The following P3H2 variants were observed in gnomAD, a reference collection of about 807,000 sequenced individuals.
The protein encoded by P3H2 is prolyl 3-hydroxylase 2, also known as leprecan-like 1.
Under a neutral mutation model 87.0 loss-of-function variants are expected in P3H2, and 80 were observed. The observed-to-expected ratio is 0.92, with a 90% CI of 0.77 to 1.11. The LOEUF (loss-of-function observed/expected upper bound fraction) is 1.11. Ranked by LOEUF, P3H2 falls within the 50% of genes least tolerant of loss-of-function variation. The pLI is 0.00. For synonymous variants in P3H2, 367 were observed against 359.3 expected (o/e 1.02, Z -0.24); for missense variants, 1,001 against 923.9 (o/e 1.08, Z -1.08).
At chr3:189,981,278 ATTGGCAT>A (rs1723525909) in intron 8 of P3H2, among the ~76,000 whole-genome samples, 2 of 152,190 alleles carry the variant, frequency 1.3e-5, no homozygotes, top group African/African-American at 4.8e-5. Context: ...TATACTTGCA[ATTGGCAT>A]CTGAAATGCC....
intron 1 of P3H2, among the ~76,000 whole-genome samples, chr3:189,997,194 G>T (rs1248730789): frequency 6.6e-6 from 1 of 152,106 alleles, no homozygotes; most frequent in Non-Finnish European, 1.5e-5. Flanking sequence ...GCTAATTTTT[G>T]TATTTTTAGT....
intron 1 of P3H2, among the ~76,000 whole-genome samples, chr3:190,100,904 T>A (rs1711602195): frequency 6.6e-6 from 1 of 152,156 alleles, no homozygotes; most frequent in South Asian, 2.1e-4. Context: ...CTTCTTTCAG[T>A]GCCACTTTTC....
At chr3:189,966,142 AG>A (rs1177825502) in intron 13 of P3H2, among the ~76,000 whole-genome samples, 1 of 127,552 alleles carries the variant, frequency 7.8e-6, no homozygotes, top group Non-Finnish European at 1.8e-5. Flanking sequence ...AAAGAAAGAA[AG>A]AAAGAAAGAA....
In P3H2 at chr3:189,982,856, A is replaced by G. The variant is rs563001929; in HGVS notation, c.1324+190T>C. On this transcript the variant is annotated intron_variant, in intron 8 of 14. Coordinates refer to ENST00000319332, the MANE Select transcript of P3H2 (RefSeq NM_018192.4). ...CTTTTTTTCTTTTTTTTTGAAACCC[A>G]TGGTAATAATACACAAATCTAAGAC... Among the ~76,000 whole-genome samples the G allele has an allele frequency of 1.3e-4, 19 of 151,984 alleles. No individual in the cohort carries two copies. The South Asian group carries it at 3.9e-3, about 32-fold the overall frequency.
intron 1 of P3H2, among the ~76,000 whole-genome samples, chr3:190,002,165 A>C (rs1348466966): frequency 6.6e-6 from 1 of 152,158 alleles, no homozygotes; most frequent in African/African-American, 2.4e-5. Context: ...TGATGATGTT[A>C]ATACATTAAT....
rs190929432 is a variant in P3H2, at chr3:190,021,982, T to C, written c.481-26540A>G. On this transcript the variant is annotated intron_variant, in intron 1 of 14. Coordinates refer to ENST00000319332, the MANE Select transcript of P3H2 (RefSeq NM_018192.4). ...TTATTGCCTATTCATTCAACAAATA[T>C]GTAATGAATGTATATCATGTGCCAA... is the stretch of plus-strand genomic sequence containing the variant. Among the ~76,000 whole-genome samples the C allele has an allele frequency of 6.0e-4, 81 of 135,124 alleles. 8 individuals carry two copies. The highest frequency in any genetic ancestry group is 1.8e-3 in the African/African-American group (69 of 39,204). The allele number at this position is 135,124 out of a possible 152,430, so 88.6% of individuals were successfully genotyped here.
chr3:190,077,742 G>A (rs1029573215), intron 1 of P3H2, among the ~76,000 whole-genome samples: 2 of 152,168 alleles, frequency 1.3e-5, no homozygotes, highest in African/African-American at 2.4e-5. Context: ...ATTATAAGCA[G>A]AGGAAATGTT....
intron 5 of P3H2, among the ~76,000 whole-genome samples, chr3:189,987,226 G>A (rs574519036): frequency 2.0e-5 from 3 of 152,242 alleles, no homozygotes; most frequent in African/African-American, 7.2e-5. Context: ...TGTAATCCCA[G>A]CACTTTGGGA....
chr3:190,046,122 CAAA>C (rs62695060), intron 1 of P3H2, among the ~76,000 whole-genome samples: 2,528 of 117,974 alleles, frequency 0.021, 84 homozygotes, highest in African/African-American at 0.075. Flanking sequence ...GACTCCATCT[CAAA>C]AAAAAAAAAA....
chr3:190,063,589 C>T (rs1339813547), intron 1 of P3H2, among the ~76,000 whole-genome samples: 2 of 152,206 alleles, frequency 1.3e-5, no homozygotes, highest in Admixed American at 6.5e-5. Flanking sequence ...CAGGTGTGTG[C>T]TTTGTTAGAG....
At chr3:190,001,744 T>C (rs1267197554) in intron 1 of P3H2, among the ~76,000 whole-genome samples, 1 of 151,378 alleles carries the variant, frequency 6.6e-6, no homozygotes, top group Non-Finnish European at 1.5e-5. Context: ...AAGATGTGTG[T>C]GTGTATACAC....
intron 1 of P3H2, among the ~76,000 whole-genome samples, chr3:190,007,929 A>G (rs2108932181): frequency 1.1e-5 from 1 of 94,662 alleles, no homozygotes; most frequent in Non-Finnish European, 2.2e-5. Context: ...GGCTCAAAAA[A>G]CTAATCAGCT....
chr3:189,991,551 T>C (rs1343845499), intron 3 of P3H2, among the ~76,000 whole-genome samples: 5 of 152,268 alleles, frequency 3.3e-5, no homozygotes, highest in Admixed American at 2.0e-4. Context: ...AAGTATCTAC[T>C]ATTTGCCACT....
chr3:190,026,155 G>A (rs1725079109), intron 1 of P3H2, among the ~76,000 whole-genome samples: 1 of 152,076 alleles, frequency 6.6e-6, no homozygotes. Context: ...TACATGATGT[G>A]TATGAACTTG....
chr3:189,972,009 T>C lies in P3H2; in HGVS notation c.1700-2A>G, dbSNP rs763872101. 6.3e-7 allele frequency: 1 copy of C among 1,587,678 alleles called. No homozygotes were observed. The highest frequency in any genetic ancestry group is 8.7e-7 in the Non-Finnish European group (1 of 1,155,976). The stretch of plus-strand genomic sequence containing the variant: ...GGTCATTTCTTCTATCCTGCTGACC[T>C]GCCAGAAAAGGGAATAGGGAAGAAC... On this transcript the variant is annotated splice_acceptor_variant, in intron 11 of 14. Coordinates refer to ENST00000319332, the MANE Select transcript of P3H2 (RefSeq NM_018192.4). LOFTEE classifies it high-confidence loss of function.
chr3:190,102,406 T>C (rs1410082919), intron 1 of P3H2, among the ~76,000 whole-genome samples: 4 of 152,196 alleles, frequency 2.6e-5, no homozygotes, highest in African/African-American at 9.7e-5. Context: ...ATTTCAACAT[T>C]AACAGAAGTT....
intron 1 of P3H2, among the ~76,000 whole-genome samples, chr3:190,015,341 G>GCTTA (rs2108937146): frequency 6.6e-6 from 1 of 152,180 alleles, no homozygotes; most frequent in Non-Finnish European, 1.5e-5. Flanking sequence ...AGAATTAAAG[G>GCTTA]CTTAAATAGT....
At chr3:189,973,130 T>C (rs929427465) in intron 10 of P3H2, 106 bp from the exon 11 acceptor site, 6 of 986,792 alleles carry the variant, frequency 6.1e-6, no homozygotes, top group South Asian at 1.5e-5. Context: ...CATGTCTGTA[T>C]TGACTAATGG....
At chr3:190,090,260 T>A (rs1387786939) in intron 1 of P3H2, among the ~76,000 whole-genome samples, 1 of 152,184 alleles carries the variant, frequency 6.6e-6, no homozygotes, top group Non-Finnish European at 1.5e-5. Flanking sequence ...CTTTTCCTTG[T>A]GGAGTATACC....
Sources: allele counts gnomAD v4.1 joint callset (sites outside exome capture counted in the v4.1 genomes callset), GRCh38; gene constraint gnomAD v4.1.1; transcripts MANE v1.5; gene names NCBI Gene and HGNC (gene_info 2026-07-23, HGNC 2026-07-21).